The following NOTCH4 variants were observed in gnomAD, a reference collection of about 807,000 sequenced individuals.
NOTCH4 encodes the protein notch receptor 4, also known as neurogenic locus notch homolog protein 4.
A neutral mutation model predicts 189.0 loss-of-function variants in NOTCH4; 138 were observed. The observed-to-expected ratio is 0.73, with a 90% CI of 0.64 to 0.84. NOTCH4 has a LOEUF of 0.84. Among genes scored for constraint, NOTCH4 ranks in the 40% least tolerant of loss-of-function variants. NOTCH4 has a pLI of 0.00. For missense variants in NOTCH4, 2,286 were observed against 2,605.4 expected (o/e 0.88, Z 2.67); for synonymous variants, 942 against 1,032.8 (o/e 0.91, Z 1.69).
Position 32,217,555 on chromosome 6 carries a change from T to A in NOTCH4, c.1625-289A>T, listed in dbSNP as rs991923482. Among the ~76,000 whole-genome samples, 4 of 152,188 alleles carry A rather than the reference T, an allele frequency of 2.6e-5. 1 individual carries two copies. The highest frequency in any genetic ancestry group is 9.7e-5 in the African/African-American group (4 of 41,428). ...TCATGGTACTGTTAAAAAGATTAAA[T>A]GACATAACGCCTGAAAAGTACTCAG... On this transcript the variant is annotated intron_variant, in intron 9 of 29. Coordinates refer to ENST00000375023, the MANE Select transcript of NOTCH4 (RefSeq NM_004557.4). This position sits in a 1 kb window ranked among gnomAD's most constrained non-coding sequence, Gnocchi z 4.2.
intron 12 of NOTCH4, among the ~76,000 whole-genome samples, chr6:32,214,484 T>TCTATATATATATATATATATATATAC (rs1554151224): frequency 7.1e-6 from 1 of 141,176 alleles, no homozygotes; most frequent in African/African-American, 2.8e-5. Flanking sequence ...TATATATATA[T>TCTATATATATATATATATATATATAC]ACACACATAT....
rs771890753 is a variant in NOTCH4 at position 32,197,527 on chromosome 6, T to C, written c.4824A>G (p.Ala1608=). The C allele has an allele frequency of 6.2e-7, 1 of 1,612,118 alleles. No individual in the cohort carries two copies. Among genetic ancestry groups the C allele is most frequent in the South Asian group, 1.1e-5 (1 of 90,808 alleles). ...CCCAGGGCTCAGGACATCCCAACCA[T>C]GCCCCTTGGAAGGTCCCGGACTGTA... is the stretch of plus-strand genomic sequence containing the variant. ...GEVQSGTFQG[A]WLGCPEPWEP... is the part of the protein sequence containing the mutation. The change falls in exon 27 of 30, where the codon GCA becomes GCG. Residue 1608 remains alanine (A), a synonymous_variant. Coordinates refer to ENST00000375023, the MANE Select transcript of NOTCH4 (RefSeq NM_004557.4).
chr6:32,203,920 T>C, intron 19 of NOTCH4, 38 bp from the exon 20 acceptor site: 5 of 1,517,636 alleles, frequency 3.3e-6, no homozygotes, highest in Non-Finnish European at 4.5e-6. Context: ...ACACACTGCA[T>C]CAGTCACTGC....
chr6:32,201,171 C>G lies in NOTCH4; in HGVS notation c.4085G>C (p.Arg1362Thr). ...GGTRDPTYQE[R>T]AAPQTQPLGK... ...CAGGGGCTGCGTTTGAGGGGCTGCT[C>G]TCTCCTGATAGGTGGGGTCCCGAGT... The change falls in exon 22 of 30, where the codon AGA (arginine) becomes ACA (threonine). Residue 1362 changes from arginine (R) to threonine (T), a missense_variant. This residue lies in a region of NOTCH4 where 1,903 missense variants were observed against 2,261.9 expected (regional missense o/e 0.84). Coordinates refer to ENST00000375023, the MANE Select transcript of NOTCH4 (RefSeq NM_004557.4). The surrounding 1 kb of genome is among the most constrained non-coding windows in gnomAD (Gnocchi z 5.5). The G allele has an allele frequency of 6.2e-7, 1 of 1,612,830 alleles. No individual in the cohort carries two copies. Among genetic ancestry groups the G allele is most frequent in the South Asian group, 1.1e-5 (1 of 91,088 alleles).
In NOTCH4 at chr6:32,220,410, C is replaced by T. The variant is rs754712190; in HGVS notation, c.1154G>A (p.Arg385His). The change falls in exon 6 of 30, where the codon CGC becomes CAC. Residue 385 changes from arginine to histidine, a missense_variant. Physicochemically the swap from Arg to His is conservative, Grantham distance 29. Around this residue, in one of 2 missense-constraint regions of NOTCH4, gnomAD observed 1,903 missense variants for 2,261.9 expected, o/e 0.84. Transcript: ENST00000375023. ...GSFSCLCPPG[R>H]TGLLCHLEDM... Reference sequence around the variant, plus strand: ...GATACCCTCTACCCCCATACCTGTGCGTCCAGGTGGGCAGAGGCAGGAGAA... The same window carrying T: ...GATACCCTCTACCCCCATACCTGTGTGTCCAGGTGGGCAGAGGCAGGAGAA... 86 of 1,613,910 alleles carry T rather than the reference C, an allele frequency of 5.3e-5. No homozygotes were observed. Among genetic ancestry groups the T allele is most frequent in the South Asian group, 5.1e-4 (46 of 91,088 alleles).
intron 29 of NOTCH4, 25 bp downstream of exon 29, chr6:32,196,299 T>G (rs1159651921): frequency 6.2e-7 from 1 of 1,613,004 alleles, no homozygotes; most frequent in African/African-American, 1.3e-5. Flanking sequence ...GACTGTTTTG[T>G]GGGAAGCCCT....
chr6:32,206,642 C>A (rs1419427830), intron 18 of NOTCH4, among the ~76,000 whole-genome samples: 2 of 152,008 alleles, frequency 1.3e-5, no homozygotes, highest in Non-Finnish European at 2.9e-5. Flanking sequence ...TCTACAGAGT[C>A]ATGCAACCCC....
chr6:32,211,435 C>CAA (rs559352953), intron 17 of NOTCH4, among the ~76,000 whole-genome samples: 25 of 135,124 alleles, frequency 1.9e-4, no homozygotes, highest in East Asian at 4.2e-4. Context: ...ACTAAAAATA[C>CAA]AAAAAAAAAA....
rs1430787666 is a variant in NOTCH4, at chr6:32,202,175, C to CGAGAGTG, written c.3649_3655dup (p.Arg1219ProfsTer18). The CGAGAGTG allele has an allele frequency of 1.3e-6, 2 of 1,525,040 alleles. No homozygotes were observed. Among genetic ancestry groups the CGAGAGTG allele is most frequent in the African/African-American group, 2.8e-5 (2 of 71,752 alleles). The allele number at this position is 1,525,040 out of a possible 1,614,324, so 94.5% of individuals were successfully genotyped here. A position where few individuals can be genotyped will look rare whatever the true frequency, so the allele number is the denominator to read the frequency against. The stretch of plus-strand genomic sequence containing the variant: ...CCCGTCCCGGAAGAGAAGCCAGCAC[C>CGAGAGTG]GAGAGTGGGAGGGGCAGCCCTTCCA... On this transcript the variant is annotated frameshift_variant, in exon 21 of 30. Coordinates refer to ENST00000375023, the MANE Select transcript of NOTCH4 (RefSeq NM_004557.4). LOFTEE classifies it high-confidence loss of function. The surrounding 1 kb of genome is among the most constrained non-coding windows in gnomAD (Gnocchi z 5.7).
At position 32,217,254 on chromosome 6, in the gene NOTCH4, G is replaced by A. The variant is rs2127483320; in HGVS notation, c.1637C>T (p.Thr546Ile). 2 of 1,612,440 alleles carry A rather than the reference G, an allele frequency of 1.2e-6. No homozygotes were observed. Among genetic ancestry groups the A allele is most frequent in the Non-Finnish European group, 1.7e-6 (2 of 1,179,520 alleles). Reference protein sequence around the residue: ...QCICLPGFSGTRCEEDIDECR... With the variant: ...QCICLPGFSGIRCEEDIDECR... ...CTCATCGATATCCTCCTCACATCGGGTGCCGGAGAATCCTGGTGGGGCGGA... is the reference window on the plus strand; with the variant it reads ...CTCATCGATATCCTCCTCACATCGGATGCCGGAGAATCCTGGTGGGGCGGA... The change falls in exon 10 of 30, where the codon ACC becomes ATC. Residue 546 changes from threonine (T) to isoleucine (I), a missense_variant. By Grantham distance (89) the Thr-to-Ile change is moderately conservative. Coordinates refer to ENST00000375023, the MANE Select transcript of NOTCH4 (RefSeq NM_004557.4). The surrounding 1 kb of genome is among the most constrained non-coding windows in gnomAD (Gnocchi z 4.2).
Position 32,212,838 on chromosome 6 carries a change from C to A in NOTCH4, c.2512G>T (p.Gly838Ter), listed in dbSNP as rs1357562196. ...ATGGCCCTCACCTGGCAGCTGCCTCCGGTGTAGCCAGTGGGGCAGAGGCAG... is the reference window on the plus strand; with the variant it reads ...ATGGCCCTCACCTGGCAGCTGCCTCAGGTGTAGCCAGTGGGGCAGAGGCAG... Reference protein sequence around the residue: ...PRCLCPTGYTGGSCQTLMDLC... With the variant: ...PRCLCPTGYT The change falls in exon 16 of 30, where the codon GGA (glycine) becomes TGA (stop). Residue 838 changes from glycine (G) to a stop codon, truncating the protein, a stop_gained. Transcript: ENST00000375023. LOFTEE classifies it high-confidence loss of function. This position sits in a 1 kb window ranked among gnomAD's most constrained non-coding sequence, Gnocchi z 4.4. 4 of 1,542,746 alleles carry A rather than the reference C, an allele frequency of 2.6e-6. No individual in the cohort carries two copies. The highest frequency in any genetic ancestry group is 2.6e-6 in the Non-Finnish European group (3 of 1,143,240).
intron 1 of NOTCH4, 118 bp downstream of exon 1, chr6:32,223,738 A>C: frequency 9.6e-7 from 1 of 1,043,614 alleles, no homozygotes; most frequent in Non-Finnish European, 1.4e-6. Context: ...TTGGGCAGTG[A>C]GAATCTCCTC....
Position 32,214,631 on chromosome 6 carries a change from A to AT in NOTCH4, c.2022-377dup, listed in dbSNP as rs9279511. Among the ~76,000 whole-genome samples, 164 of 146,120 alleles carry AT rather than the reference A, an allele frequency of 1.1e-3. 1 individual carries two copies. Among genetic ancestry groups the AT allele is most frequent in the South Asian group, 7.4e-3 (34 of 4,614 alleles). On this transcript the variant is annotated intron_variant, in intron 12 of 29. Transcript: ENST00000375023. ...GCCACACAAAGTAGGTGCTCAGCAG[A>AT]TTTTTTTTTTTTTTGAGACGGAGTC...
chr6:32,216,876 A>G, intron 11 of NOTCH4, 69 bp downstream of exon 11: 2 of 1,570,630 alleles, frequency 1.3e-6, no homozygotes, highest in Non-Finnish European at 1.8e-6. Context: ...ACACCCACCA[A>G]TGAACTCTGC....
At chr6:32,209,106 G>A (rs994418133) in intron 18 of NOTCH4, among the ~76,000 whole-genome samples, 1 of 152,196 alleles carries the variant, frequency 6.6e-6, no homozygotes, top group African/African-American at 2.4e-5. Context: ...TCAGCAACAT[G>A]GATGAAACTG....
In NOTCH4 at chr6:32,213,239, A is replaced by G. The variant is rs747157115; in HGVS notation, c.2334T>C (p.Asn778=). 3.1e-6 allele frequency: 5 copies of G among 1,612,942 alleles called. No individual in the cohort carries two copies. The highest frequency in any genetic ancestry group is 2.5e-6 in the Non-Finnish European group (3 of 1,179,072). The change falls in exon 15 of 30, where the codon AAT becomes AAC. Residue 778 remains asparagine (N), a synonymous_variant. Coordinates refer to ENST00000375023, the MANE Select transcript of NOTCH4 (RefSeq NM_004557.4). ...CAGGCCTGTTCACACAGGTACCCCC[A>G]TTGAAGCACGGGGCTGGAGAGAGGA... ...TDYCVSAPCF[N]GGTCVNRPGT...
At position 32,212,400 on chromosome 6, in the gene NOTCH4, C is replaced by G. The variant is rs1032827627; in HGVS notation, c.2680+74G>C. The G allele has an allele frequency of 1.4e-6, 2 of 1,432,528 alleles. No homozygotes were observed. Among genetic ancestry groups the G allele is most frequent in the African/African-American group, 2.9e-5 (2 of 70,116 alleles). 88.7% of individuals were successfully genotyped at this position (1,432,528 alleles called of 1,614,324 possible). A position where few individuals can be genotyped will look rare whatever the true frequency, so the allele number is the denominator to read the frequency against. ...GTTTTGGCCAAAAGCTGTGTGGAAGCCCACAGGAACGGGGCAGGTGAGAAC... is the reference window on the plus strand; with the variant it reads ...GTTTTGGCCAAAAGCTGTGTGGAAGGCCACAGGAACGGGGCAGGTGAGAAC... On this transcript the variant is annotated intron_variant, in intron 17 of 29. Transcript: ENST00000375023. The surrounding 1 kb of genome is among the most constrained non-coding windows in gnomAD (Gnocchi z 4.4).
rs1212291194 is a variant in NOTCH4 at position 32,212,939 on chromosome 6, AG to A, written c.2439-29del. On this transcript the variant is annotated intron_variant, in intron 15 of 29. Transcript: ENST00000375023. This position sits in a 1 kb window ranked among gnomAD's most constrained non-coding sequence, Gnocchi z 4.4. ...GAACAAGACAGAGACAGGGCATGAT[AG>A]GAAGAAGTTCGGGCAACAAGGGGAA... 1 of 1,551,566 alleles carries A rather than the reference AG, an allele frequency of 6.4e-7. No homozygotes were observed. The highest frequency in any genetic ancestry group is 2.3e-5 in the East Asian group (1 of 43,480).
In NOTCH4 at chr6:32,223,036, G is replaced by T. The variant is rs1241774693; in HGVS notation, c.124C>A (p.Leu42Met). ...PEPCANGGTC[L>M]SLSLGQGTCQ... ...GTCCCTTGTCCCAGAGACAGGCTCA[G>T]GCAGGTGCCTCCATTGGCACAGGGT... The change falls in exon 2 of 30, where the codon CTG becomes ATG. Residue 42 changes from leucine to methionine, a missense_variant. Coordinates refer to ENST00000375023, the MANE Select transcript of NOTCH4 (RefSeq NM_004557.4). 9 of 1,613,842 alleles carry T rather than the reference G, an allele frequency of 5.6e-6. No homozygotes were observed. The highest frequency in any genetic ancestry group is 6.8e-6 in the Non-Finnish European group (8 of 1,179,918).
Sources: allele counts gnomAD v4.1 joint callset (sites outside exome capture counted in the v4.1 genomes callset), GRCh38; gene constraint gnomAD v4.1.1; regional missense constraint gnomAD v4.1.1; non-coding constraint Gnocchi (gnomAD v3.1); transcripts MANE v1.5; gene names NCBI Gene and HGNC (gene_info 2026-07-23, HGNC 2026-07-21).